Variants in ACAN observed in about 807,000 individuals in gnomAD.
ACAN encodes aggrecan core protein.
Under a neutral mutation model 169.1 loss-of-function variants are expected in ACAN, and 47 were observed. The ratio of observed to expected loss-of-function variants is 0.28; its 90% CI spans 0.22 to 0.35. The LOEUF (loss-of-function observed/expected upper bound fraction) is 0.35, where lower values mean the gene tolerates loss of function less well. Among genes scored for constraint, ACAN ranks in the 10% least tolerant of loss-of-function variants. The probability of loss-of-function intolerance (pLI) is 1.00; values close to 1 mark genes in which losing one functional copy is unlikely to be tolerated. For missense variants in ACAN, 2,716 were observed against 2,759.9 expected (o/e 0.98, Z 0.36); for synonymous variants, 1,115 against 1,112.2 (o/e 1.00, Z -0.05).
intron 7 of ACAN, among the ~76,000 whole-genome samples, chr15:88,846,140 T>A (rs886656980): frequency 6.6e-6 from 1 of 152,220 alleles, no homozygotes; most frequent in East Asian, 1.9e-4. Flanking sequence ...AGCAGGCACA[T>A]GTGCCACATA....
At chr15:88,848,771 C>A (rs1330046119) in intron 9 of ACAN, among the ~76,000 whole-genome samples, 1 of 152,236 alleles carries the variant, frequency 6.6e-6, no homozygotes, top group East Asian at 1.9e-4. Flanking sequence ...AGACCCTGGG[C>A]AAGTCACTTA....
Position 88,841,826 on chromosome 15 carries a change from A to G in ACAN, c.716A>G (p.Asn239Ser), listed in dbSNP as rs757955838. ...AGGACGTATGGCATCCGAGACACCAACGAGACCTATGATGTGTACTGCTTC... is the reference window on the plus strand; with the variant it reads ...AGGACGTATGGCATCCGAGACACCAGCGAGACCTATGATGTGTACTGCTTC... ...GVRTYGIRDT[N>S]ETYDVYCFAE... The change falls in exon 5 of 19, where the codon AAC becomes AGC. Residue 239 changes from asparagine to serine, a missense_variant. Asn to Ser is a conservative substitution (Grantham distance 46). This residue lies in a region of ACAN where 1,283 missense variants were observed against 1,281.5 expected (regional missense o/e 1.00). Coordinates refer to ENST00000560601, the MANE Select transcript of ACAN (RefSeq NM_001369268.1). 12 of 1,613,210 alleles carry G rather than the reference A, an allele frequency of 7.4e-6. No homozygotes were observed. In the Admixed American group the frequency reaches 1.2e-4, roughly 16 times the overall value.
intron 1 of ACAN, among the ~76,000 whole-genome samples, chr15:88,815,452 G>C (rs1419903566): frequency 1.3e-5 from 2 of 151,738 alleles, no homozygotes; most frequent in African/African-American, 4.8e-5. Flanking sequence ...CCAGCTACTT[G>C]GGAGACTAAG....
At position 88,869,585 on chromosome 15, in the gene ACAN, G is replaced by T. The variant is rs1054230831; in HGVS notation, c.7060+1256G>T. ...CATGATACCACAACATTTGCCACAG[G>T]GTAGAAGAGTCTGGGACTTCCATGC... On this transcript the variant is annotated intron_variant, in intron 14 of 18. Transcript: ENST00000560601. This position sits in a 1 kb window ranked among gnomAD's most constrained non-coding sequence, Gnocchi z 4.2. Among the ~76,000 whole-genome samples the T allele has an allele frequency of 6.6e-6, 1 of 152,162 alleles. No homozygotes were observed. Among genetic ancestry groups the T allele is most frequent in the Non-Finnish European group, 1.5e-5 (1 of 68,030 alleles).
rs1354172035 is a variant in ACAN, at chr15:88,874,605, G to GA, written c.*131dup. 6 of 972,074 alleles carry GA rather than the reference G, an allele frequency of 6.2e-6. No individual in the cohort carries two copies. The highest frequency in any genetic ancestry group is 2.6e-5 in the East Asian group (1 of 38,132). 60.2% of individuals were successfully genotyped at this position (972,074 alleles called of 1,614,324 possible). On this transcript the variant is annotated 3_prime_UTR_variant, in exon 19 of 19. Transcript: ENST00000560601. This position sits in a 1 kb window ranked among gnomAD's most constrained non-coding sequence, Gnocchi z 7.3. ...CATATAAGGAATCCCATTAAAGAAG[G>GA]AAAAAAATAAATCCCACATTTGTGT...
intron 1 of ACAN, among the ~76,000 whole-genome samples, chr15:88,827,676 G>A (rs780093660): frequency 7.2e-5 from 11 of 152,232 alleles, no homozygotes; most frequent in Non-Finnish European, 1.3e-4. Context: ...GCAGTGAGGG[G>A]CATACACAAT....
At chr15:88,852,074 A>C (rs1480422016) in intron 11 of ACAN, 41 bp downstream of exon 11, 2 of 1,557,188 alleles carry the variant, frequency 1.3e-6, no homozygotes, top group East Asian at 4.8e-5. Flanking sequence ...CTGAAGCTGC[A>C]TACCCCTGTC....
chr15:88,842,824 A>G (rs908693815), intron 5 of ACAN, among the ~76,000 whole-genome samples: 1 of 151,884 alleles, frequency 6.6e-6, no homozygotes, highest in Non-Finnish European at 1.5e-5. Context: ...CCCCTGACAC[A>G]ACCTTGTTAG....
rs1370011974 is a variant in ACAN at position 88,855,274 on chromosome 15, G to T, written c.2689G>T (p.Gly897Ter). 1 of 1,610,330 alleles carries T rather than the reference G, an allele frequency of 6.2e-7. No homozygotes were observed. The highest frequency in any genetic ancestry group is 8.5e-7 in the Non-Finnish European group (1 of 1,177,246). ...GGACAGGGCAAGTGGACTGCCCTCT[G>T]GAGACCTGGACTCCAGTGGTCTTAC... ...SGDRASGLPSGDLDSSGLTST... is the reference protein window; with the variant it reads ...SGDRASGLPS The change falls in exon 12 of 19, where the codon GGA (glycine) becomes TGA (stop). Residue 897 changes from glycine to a stop codon, truncating the protein, a stop_gained. Coordinates refer to ENST00000560601, the MANE Select transcript of ACAN (RefSeq NM_001369268.1). LOFTEE classifies it high-confidence loss of function.
rs1459287083 is a variant in ACAN, at chr15:88,858,548, A to C, written c.5963A>C (p.Gln1988Pro). 1 of 1,613,930 alleles carries C rather than the reference A, an allele frequency of 6.2e-7. No individual in the cohort carries two copies. The highest frequency in any genetic ancestry group is 8.5e-7 in the Non-Finnish European group (1 of 1,179,906). The change falls in exon 12 of 19, where the codon CAG becomes CCG. Residue 1988 changes from glutamine (Q) to proline (P), a missense_variant. Physicochemically the swap from Gln to Pro is moderately conservative, Grantham distance 76. Coordinates refer to ENST00000560601, the MANE Select transcript of ACAN (RefSeq NM_001369268.1). This position sits in a 1 kb window ranked among gnomAD's most constrained non-coding sequence, Gnocchi z 4.0. The part of the protein sequence containing the change: ...HSGFLDLSGL[Q>P]SGLIEPSGEP... ...GGATTTCTGGACCTAAGTGGGCTGC[A>C]GTCCGGGCTGATAGAGCCCAGCGGA...
At chr15:88,854,819 C>G in intron 11 of ACAN, 33 bp from the exon 12 acceptor site, 2 of 1,416,692 alleles carry the variant, frequency 1.4e-6, no homozygotes, top group Non-Finnish European at 1.8e-6. Context: ...GTTAATAAAC[C>G]CACACTTCAT....
chr15:88,819,644 T>C (rs1242516244), intron 1 of ACAN, among the ~76,000 whole-genome samples: 2 of 150,482 alleles, frequency 1.3e-5, no homozygotes, highest in Non-Finnish European at 2.9e-5. Flanking sequence ...CTCACACCTG[T>C]AGTTCCAGCT....
chr15:88,863,150 TA>T (rs1485005989), intron 13 of ACAN, among the ~76,000 whole-genome samples: 4 of 152,154 alleles, frequency 2.6e-5, no homozygotes, highest in South Asian at 2.1e-4. Flanking sequence ...ATTTAGTCCT[TA>T]AAAAAAATTG....
chr15:88,818,295 G>C (rs547076661), intron 1 of ACAN, among the ~76,000 whole-genome samples: 1 of 152,338 alleles, frequency 6.6e-6, no homozygotes, highest in South Asian at 2.1e-4. Context: ...ACAACTGTGA[G>C]TGCATTCTTC....
rs1490332663 is a variant in ACAN, at chr15:88,873,669, G to C, written c.7448-173G>C. On this transcript the variant is annotated intron_variant, in intron 17 of 18. Transcript: ENST00000560601. The surrounding 1 kb of genome is among the most constrained non-coding windows in gnomAD (Gnocchi z 7.5). ...CCTTCCTGCTGTTCTAAATTGTTGA[G>C]GAACCCAGATGTTACAGCCAGCGGC... 1.6e-6 allele frequency: 1 copy of C among 644,638 alleles called. No individual in the cohort carries two copies. The allele number at this position is 644,638 out of a possible 1,614,324, so 39.9% of individuals were successfully genotyped here.
intron 4 of ACAN, among the ~76,000 whole-genome samples, chr15:88,840,941 G>A (rs554575072): frequency 2.6e-4 from 39 of 152,216 alleles, no homozygotes; most frequent in Middle Eastern, 3.4e-3. Context: ...TCAGGAGATC[G>A]AGACCATCCT....
intron 1 of ACAN, among the ~76,000 whole-genome samples, chr15:88,827,591 T>C (rs1214586527): frequency 6.6e-6 from 1 of 152,066 alleles, no homozygotes; most frequent in African/African-American, 2.4e-5. Flanking sequence ...CACCCATTAG[T>C]TGGGTGGCTA....
intron 1 of ACAN, among the ~76,000 whole-genome samples, chr15:88,830,445 C>G (rs1260908918): frequency 1.3e-5 from 2 of 152,186 alleles, no homozygotes; most frequent in Non-Finnish European, 2.9e-5. Flanking sequence ...ATGGTACAGC[C>G]TACTACACTC....
rs1020047216 is a variant in ACAN, at chr15:88,857,409, A to T, written c.4824A>T (p.Lys1608Asn). 1.9e-6 allele frequency: 3 copies of T among 1,613,890 alleles called. No homozygotes were observed. The highest frequency in any genetic ancestry group is 1.3e-5 in the African/African-American group (1 of 75,046). The change falls in exon 12 of 19, where the codon AAA becomes AAT. Residue 1608 changes from lysine to asparagine, a missense_variant. By Grantham distance (94) the Lys-to-Asn change is moderately conservative. Around this residue, in one of 3 missense-constraint regions of ACAN, gnomAD observed 1,389 missense variants for 1,363.7 expected, o/e 1.02. Transcript: ENST00000560601. ...GSASGDLDLG[K>N]LPSGTLGSGQ... Reference sequence around the variant, plus strand: ...CTTCTGGAGACTTGGACTTGGGCAAACTGCCTTCTGGAACTCTAGGAAGTG... The same window carrying T: ...CTTCTGGAGACTTGGACTTGGGCAATCTGCCTTCTGGAACTCTAGGAAGTG...
Sources: gnomAD v4.1 joint callset for allele counts (sites outside exome capture counted in the v4.1 genomes callset) on GRCh38, gnomAD v4.1.1 for gene constraint, gnomAD v4.1.1 regional missense constraint, Gnocchi (gnomAD v3.1) non-coding constraint, MANE v1.5 for transcripts, NCBI Gene and HGNC (gene_info 2026-07-23, HGNC 2026-07-21) for gene names.